The following PRKG1 variants were observed in gnomAD, a reference collection of about 807,000 sequenced individuals.
PRKG1 encodes protein kinase cGMP-dependent 1.
PRKG1 carries 35 observed loss-of-function variants against 88.1 expected under a neutral mutation model. The ratio of observed to expected loss-of-function variants is 0.40; its 90% CI spans 0.30 to 0.53. The LOEUF is 0.53. Ranked by LOEUF, PRKG1 falls within the 20% of genes least tolerant of loss-of-function variation. PRKG1 has a pLI of 0.59. For synonymous variants in PRKG1, 303 were observed against 292.5 expected (o/e 1.04, Z -0.37); for missense variants, 540 against 839.8 (o/e 0.64, Z 4.41).
At chr10:51,696,814 C>G (rs1032853907) in intron 3 of PRKG1, 1 of 151,968 alleles carries the variant, frequency 6.6e-6, no homozygotes, top group African/African-American at 2.4e-5. Context: ...AGTCAAATAC[C>G]ATTTATAACT....
In PRKG1 at chr10:52,285,969, C is replaced by A. The variant is rs149196152; in HGVS notation, c.1710-2757C>A. On this transcript the variant is annotated intron_variant, in intron 14 of 17. Coordinates refer to ENST00000373980, the MANE Select transcript of PRKG1 (RefSeq NM_006258.4). ...TAGTCAAAGGAAATAGAAAACACATCAATTATGTGTATGAATATAATATTA... is the reference window on the plus strand; with the variant it reads ...TAGTCAAAGGAAATAGAAAACACATAAATTATGTGTATGAATATAATATTA... 8.9e-4 allele frequency among the ~76,000 whole-genome samples: 135 copies of A among 152,032 alleles called. 2 individuals are homozygous for A. In the Middle Eastern group the frequency reaches 0.01, roughly 11 times the overall value.
At chr10:51,800,971 G>A (rs1839158249) in intron 3 of PRKG1, among the ~76,000 whole-genome samples, 1 of 152,084 alleles carries the variant, frequency 6.6e-6, no homozygotes, top group African/African-American at 2.4e-5. Context: ...AACCCTGGGT[G>A]TAGCATCCTA....
chr10:51,605,273 G>A (rs1838733669), intron 3 of PRKG1, among the ~76,000 whole-genome samples: 3 of 152,252 alleles, frequency 2.0e-5, no homozygotes, highest in African/African-American at 7.2e-5. Context: ...AGTAGTCTTG[G>A]AAAATGCAAC....
chr10:51,450,673 G>A (rs543978247), intron 2 of PRKG1, among the ~76,000 whole-genome samples: 5 of 151,966 alleles, frequency 3.3e-5, no homozygotes, highest in Admixed American at 3.3e-4. Flanking sequence ...CTAATAAACA[G>A]TTGCAGCTAT....
chr10:52,223,590 G>A (rs910515758), intron 9 of PRKG1, among the ~76,000 whole-genome samples: 16 of 152,050 alleles, frequency 1.1e-4, no homozygotes, highest in African/African-American at 3.6e-4. Context: ...CACAGCTTTC[G>A]ATACGCTCTA....
intron 1 of PRKG1, among the ~76,000 whole-genome samples, chr10:51,015,712 C>G (rs1185150699): frequency 1.3e-5 from 2 of 152,158 alleles, no homozygotes; most frequent in African/African-American, 4.8e-5. Flanking sequence ...CATGGTGAAA[C>G]TCCATCTCTA....
chr10:51,975,663 C>T (rs191157494), intron 5 of PRKG1, among the ~76,000 whole-genome samples: 1 of 152,118 alleles, frequency 6.6e-6, no homozygotes, highest in East Asian at 1.9e-4. Flanking sequence ...CTACCTGAGT[C>T]AGGTTGATAG....
chr10:51,487,906 G>T (rs1840594477), intron 3 of PRKG1, among the ~76,000 whole-genome samples: 1 of 152,106 alleles, frequency 6.6e-6, no homozygotes, highest in Admixed American at 6.6e-5. Flanking sequence ...TGATGACGAA[G>T]AAACAACTGA....
chr10:51,191,078 T>C (rs1255557029), intron 2 of PRKG1, among the ~76,000 whole-genome samples: 1 of 151,886 alleles, frequency 6.6e-6, no homozygotes, highest in African/African-American at 2.4e-5. Flanking sequence ...TATACCTTGA[T>C]ATATTCCTCC....
intron 1 of PRKG1, among the ~76,000 whole-genome samples, chr10:51,149,719 G>A (rs1457406226): frequency 6.6e-6 from 1 of 152,064 alleles, no homozygotes; most frequent in Non-Finnish European, 1.5e-5. Context: ...TTGTGCTGGA[G>A]CCAACTTGCA....
Position 51,758,183 on chromosome 10 carries a change from G to A in PRKG1, c.593-46402G>A, listed in dbSNP as rs370380099. On this transcript the variant is annotated intron_variant, in intron 3 of 17. Transcript: ENST00000373980. The stretch of plus-strand genomic sequence containing the variant: ...ATGTGATATTATTGTTTAATTGTCC[G>A]TGTACGTACAGTCTATTACTGCAGT... Among the ~76,000 whole-genome samples, 206 of 152,224 alleles carry A rather than the reference G, an allele frequency of 1.4e-3. 6 individuals carry two copies. In the South Asian group the frequency reaches 0.041, roughly 30 times the overall value.
At position 51,614,679 on chromosome 10, in the gene PRKG1, C is replaced by T. The variant is rs186872389; in HGVS notation, c.592+146843C>T. On this transcript the variant is annotated intron_variant, in intron 3 of 17. Transcript: ENST00000373980. ...TGTAGTGGTGGTATTTGAGTTCTTT[C>T]TCTTTCTCATCTGTGTGTTTGCTTT... Among the ~76,000 whole-genome samples the T allele has an allele frequency of 3.0e-4, 46 of 151,942 alleles. 1 individual carries two copies. In the East Asian group the frequency reaches 7.7e-3, roughly 26 times the overall value.
chr10:51,986,018 G>A (rs570234591), intron 5 of PRKG1, among the ~76,000 whole-genome samples: 1 of 152,256 alleles, frequency 6.6e-6, no homozygotes, highest in Admixed American at 6.5e-5. Context: ...ATACACTATA[G>A]GGTATTTGTC....
chr10:51,770,980 G>GTA (rs1370983259), intron 3 of PRKG1, among the ~76,000 whole-genome samples: 1 of 152,076 alleles, frequency 6.6e-6, no homozygotes, highest in Non-Finnish European at 1.5e-5. Flanking sequence ...AACCTACATG[G>GTA]TATAGCCTGC....
chr10:51,370,129 C>T (rs1272911187), intron 2 of PRKG1, among the ~76,000 whole-genome samples: 2 of 152,102 alleles, frequency 1.3e-5, no homozygotes, highest in Non-Finnish European at 2.9e-5. Flanking sequence ...GAGTGAGTCA[C>T]TGGGTGACTG....
At chr10:51,177,094 C>T (rs1837215304) in intron 2 of PRKG1, among the ~76,000 whole-genome samples, 1 of 152,190 alleles carries the variant, frequency 6.6e-6, no homozygotes, top group Non-Finnish European at 1.5e-5. Flanking sequence ...TTCTTTCTAA[C>T]ATTCTAAGAA....
intron 5 of PRKG1, among the ~76,000 whole-genome samples, chr10:51,922,275 T>A (rs967619451): frequency 1.5e-5 from 2 of 136,310 alleles, no homozygotes; most frequent in Admixed American, 7.8e-5. Flanking sequence ...TATTTTTGTA[T>A]CTTCTCTCTC....
intron 5 of PRKG1, among the ~76,000 whole-genome samples, chr10:51,942,333 T>A (rs1394863146): frequency 1.3e-5 from 2 of 152,040 alleles, no homozygotes; most frequent in African/African-American, 4.8e-5. Flanking sequence ...TTTGAGTTCA[T>A]TGTAGATTCT....
chr10:51,254,746 G>A (rs1839514126), intron 2 of PRKG1, among the ~76,000 whole-genome samples: 1 of 152,026 alleles, frequency 6.6e-6, no homozygotes, highest in Admixed American at 6.6e-5. Context: ...TCTTTAGACT[G>A]AAATTATAAT....
Sources: allele counts gnomAD v4.1 joint callset (sites outside exome capture counted in the v4.1 genomes callset), GRCh38; gene constraint gnomAD v4.1.1; transcripts MANE v1.5; gene names NCBI Gene and HGNC (gene_info 2026-07-23, HGNC 2026-07-21).